Variants in CHD6 observed in about 807,000 individuals in gnomAD.
CHD6 encodes chromodomain helicase DNA binding protein 6.
Under a neutral mutation model 276.9 loss-of-function variants are expected in CHD6, and 50 were observed. That is an observed-to-expected ratio of 0.18 (90% CI 0.14 to 0.23). The LOEUF (loss-of-function observed/expected upper bound fraction) is 0.23, where lower values mean the gene tolerates loss of function less well. Among genes scored for constraint, CHD6 ranks in the 10% least tolerant of loss-of-function variants. The pLI is 1.00. For synonymous variants in CHD6, 1,173 were observed against 1,229.3 expected (o/e 0.95, Z 0.96); for missense variants, 2,564 against 3,365.8 (o/e 0.76, Z 5.89).
At chr20:41,554,792 A>T (rs1014333333) in intron 1 of CHD6, among the ~76,000 whole-genome samples, 3 of 152,140 alleles carry the variant, frequency 2.0e-5, no homozygotes, top group Admixed American at 6.5e-5. Flanking sequence ...TTCTACACAG[A>T]CACGGCAACC....
At chr20:41,591,985 G>T (rs1164583411) in intron 1 of CHD6, among the ~76,000 whole-genome samples, 1 of 152,106 alleles carries the variant, frequency 6.6e-6, no homozygotes, top group Non-Finnish European at 1.5e-5. Context: ...TGTAGTCCCA[G>T]CTACTCAGGA....
In CHD6 at chr20:41,533,340, T is replaced by A. The variant is rs143534571; in HGVS notation, c.264A>T (p.Gly88=). 4,664 of 1,614,008 alleles carry A rather than the reference T, an allele frequency of 2.9e-3. 55 individuals are homozygous for A. The highest frequency in any genetic ancestry group is 0.017 in the Middle Eastern group (103 of 6,062). ...TCCGTTTCTTCTTCACTCCAGTACC[T>A]CCTCCTCCACTGTCCTCCATCCCAT... ...SHNGMEDSGG[G]GTGVKKKRKK... The change falls in exon 3 of 37, where the codon GGA becomes GGT. Residue 88 remains glycine, a synonymous_variant. Transcript: ENST00000373233.
rs538300418 is a variant in CHD6 at position 41,517,070 on chromosome 20, A to G, written c.555-2118T>C. Among the ~76,000 whole-genome samples, 122 of 152,268 alleles carry G rather than the reference A, an allele frequency of 8.0e-4. 1 individual carries two copies. The highest frequency in any genetic ancestry group is 2.7e-3 in the African/African-American group (112 of 41,548). On this transcript the variant is annotated intron_variant, in intron 3 of 36. Transcript: ENST00000373233. Reference sequence around the variant, plus strand: ...ACCCGTCACCCTTCATATGTCCCTAACCAGGTCAGCACAAACTCTGCCCAG... The same window carrying G: ...ACCCGTCACCCTTCATATGTCCCTAGCCAGGTCAGCACAAACTCTGCCCAG...
intron 1 of CHD6, among the ~76,000 whole-genome samples, chr20:41,575,610 G>A (rs949208298): frequency 2.0e-5 from 3 of 152,076 alleles, no homozygotes; most frequent in East Asian, 1.9e-4. Context: ...CACTGGAACC[G>A]ACCCCAACAG....
intron 1 of CHD6, among the ~76,000 whole-genome samples, chr20:41,596,783 A>G (rs1158394850): frequency 2.0e-5 from 3 of 152,192 alleles, no homozygotes; most frequent in South Asian, 4.1e-4. Context: ...CCCCTTGGGC[A>G]GGGGATGTGA....
At chr20:41,535,928 A>C (rs954316107) in intron 2 of CHD6, among the ~76,000 whole-genome samples, 2 of 152,230 alleles carry the variant, frequency 1.3e-5, no homozygotes, top group Non-Finnish European at 2.9e-5. Context: ...AAGGTCATGC[A>C]GTTCTTGATG....
intron 1 of CHD6, among the ~76,000 whole-genome samples, chr20:41,566,948 G>A (rs974695953): frequency 1.3e-5 from 2 of 152,138 alleles, no homozygotes; most frequent in Non-Finnish European, 2.9e-5. Context: ...GGGCCCAACC[G>A]TGACCAAGGA....
At chr20:41,424,976 A>G (rs755856056) in intron 29 of CHD6, among the ~76,000 whole-genome samples, 11 of 152,228 alleles carry the variant, frequency 7.2e-5, no homozygotes, top group Admixed American at 1.3e-4. Context: ...TGGAAACTGT[A>G]AAGACAGGGT....
chr20:41,520,817 T>C (rs1189374818), intron 3 of CHD6, among the ~76,000 whole-genome samples: 2 of 151,912 alleles, frequency 1.3e-5, no homozygotes, highest in Non-Finnish European at 2.9e-5. Flanking sequence ...ACTTAAAGTA[T>C]AATAATAATT....
At chr20:41,486,380 T>C (rs2043414746) in intron 14 of CHD6, among the ~76,000 whole-genome samples, 1 of 152,136 alleles carries the variant, frequency 6.6e-6, no homozygotes, top group Admixed American at 6.5e-5. Flanking sequence ...TTAAGTGCAA[T>C]GGGAGAAGAG....
chr20:41,615,772 G>C (rs2045929680), intron 1 of CHD6, among the ~76,000 whole-genome samples: 1 of 152,216 alleles, frequency 6.6e-6, no homozygotes, highest in Non-Finnish European at 1.5e-5. Flanking sequence ...GTCTTTCCAT[G>C]AAAAACATAG....
chr20:41,522,626 C>T (rs2044428865), intron 3 of CHD6, among the ~76,000 whole-genome samples: 1 of 152,040 alleles, frequency 6.6e-6, no homozygotes, highest in Non-Finnish European at 1.5e-5. Context: ...TTGTTTGCAA[C>T]TGGTTCAGGA....
At chr20:41,469,283 C>T (rs1480372383) in intron 17 of CHD6, among the ~76,000 whole-genome samples, 1 of 152,218 alleles carries the variant, frequency 6.6e-6, no homozygotes, top group Non-Finnish European at 1.5e-5. Flanking sequence ...GCAGGAAGGA[C>T]GCAGAACTGT....
At chr20:41,520,667 T>C (rs1482659179) in intron 3 of CHD6, among the ~76,000 whole-genome samples, 1 of 123,918 alleles carries the variant, frequency 8.1e-6, no homozygotes, top group Non-Finnish European at 1.7e-5. Flanking sequence ...CCGGGGCCTG[T>C]TGTGGGGTCG....
intron 3 of CHD6, among the ~76,000 whole-genome samples, chr20:41,520,091 G>C (rs533687351): frequency 2.2e-4 from 34 of 152,308 alleles, no homozygotes; most frequent in East Asian, 5.8e-4. Context: ...CACTGGCCAT[G>C]AGAGAAACGC....
intron 1 of CHD6, among the ~76,000 whole-genome samples, chr20:41,571,269 G>C (rs2045412752): frequency 6.6e-6 from 1 of 152,046 alleles, no homozygotes; most frequent in Non-Finnish European, 1.5e-5. Flanking sequence ...AAAAAGCTTA[G>C]AAGTTGCTGC....
intron 1 of CHD6, among the ~76,000 whole-genome samples, chr20:41,588,160 T>C (rs1434312170): frequency 6.6e-6 from 1 of 152,090 alleles, no homozygotes; most frequent in African/African-American, 2.4e-5. Context: ...AAAACCTGCT[T>C]ATGAAAGCCC....
chr20:41,547,244 G>C (rs2045059637), intron 2 of CHD6, among the ~76,000 whole-genome samples: 1 of 152,166 alleles, frequency 6.6e-6, no homozygotes, highest in African/African-American at 2.4e-5. Flanking sequence ...TAAATACCAA[G>C]TACTCGACGA....
At position 41,503,417 on chromosome 20, in the gene CHD6, T is replaced by G. The variant is rs1309864317; in HGVS notation, c.853-4060A>C. On this transcript the variant is annotated intron_variant, in intron 5 of 36. Coordinates refer to ENST00000373233, the MANE Select transcript of CHD6 (RefSeq NM_032221.5). Reference sequence around the variant, plus strand: ...CCCTTTCTAATCTTTTAACTTTTTATTTATTCTTTCTCTTTATTGTAGTGG... The same window carrying G: ...CCCTTTCTAATCTTTTAACTTTTTAGTTATTCTTTCTCTTTATTGTAGTGG... 2.0e-5 allele frequency among the ~76,000 whole-genome samples: 3 copies of G among 152,188 alleles called. No homozygotes were observed. The East Asian group carries it at 5.8e-4, about 29-fold the overall frequency.
Sources: gnomAD v4.1 joint callset for allele counts (sites outside exome capture counted in the v4.1 genomes callset) on GRCh38, gnomAD v4.1.1 for gene constraint, MANE v1.5 for transcripts, NCBI Gene and HGNC (gene_info 2026-07-23, HGNC 2026-07-21) for gene names.